The following PTPRN2 variants were observed in gnomAD, a reference collection of about 807,000 sequenced individuals.
PTPRN2 encodes the protein protein tyrosine phosphatase receptor type N2.
In PTPRN2, 74 loss-of-function variants were observed where a neutral mutation model predicts 118.8. That is an observed-to-expected ratio of 0.62 (90% CI 0.52 to 0.76). PTPRN2 has a LOEUF of 0.76. PTPRN2 is among the 30% of genes least tolerant of loss of function. PTPRN2 has a pLI of 0.00. For missense variants in PTPRN2, 1,481 were observed against 1,394.4 expected (o/e 1.06, Z -0.99); for synonymous variants, 641 against 608.0 (o/e 1.05, Z -0.80).
chr7:158,205,785 A>G (rs1265273169), intron 3 of PTPRN2, among the ~76,000 whole-genome samples: 2 of 152,194 alleles, frequency 1.3e-5, no homozygotes, highest in Non-Finnish European at 2.9e-5. Context: ...GAGAGAGAGC[A>G]CAGTGATAGT....
At position 157,598,022 on chromosome 7, in the gene PTPRN2, C is replaced by T. The variant is rs551136192; in HGVS notation, c.2419-2707G>A. On this transcript the variant is annotated intron_variant, in intron 16 of 22. Coordinates refer to ENST00000389418, the MANE Select transcript of PTPRN2 (RefSeq NM_002847.5). The surrounding 1 kb of genome is among the most constrained non-coding windows in gnomAD (Gnocchi z 5.2). ...CCTCCTTGTGGTCTCACGCAGGCTT[C>T]GAGGAAAAGTCAAGCAAATACTTAA... 6.6e-6 allele frequency among the ~76,000 whole-genome samples: 1 copy of T among 152,302 alleles called. No homozygotes were observed. Among genetic ancestry groups the T allele is most frequent in the African/African-American group, 2.4e-5 (1 of 41,580 alleles).
intron 11 of PTPRN2, among the ~76,000 whole-genome samples, chr7:157,969,026 T>A (rs1291971205): frequency 6.6e-6 from 1 of 152,220 alleles, no homozygotes; most frequent in Non-Finnish European, 1.5e-5. Context: ...CTCGTTGAAA[T>A]TTTTAATCCA....
intron 12 of PTPRN2, among the ~76,000 whole-genome samples, chr7:157,749,731 G>GTTGA: frequency 3.0e-5 from 4 of 133,138 alleles, no homozygotes; most frequent in African/African-American, 1.2e-4. Flanking sequence ...TGAGCTGCCC[G>GTTGA]GGTGATTCTG....
chr7:157,593,624 C>A (rs1421519482), intron 17 of PTPRN2, among the ~76,000 whole-genome samples: 1 of 152,208 alleles, frequency 6.6e-6, no homozygotes, highest in Non-Finnish European at 1.5e-5. Context: ...GGTGAGCGTG[C>A]ACAGCAGGGG....
intron 2 of PTPRN2, among the ~76,000 whole-genome samples, chr7:158,447,931 G>T (rs1182044388): frequency 1.3e-5 from 2 of 152,234 alleles, no homozygotes; most frequent in African/African-American, 4.8e-5. Flanking sequence ...CAGCCACACG[G>T]CACAGGGCAA....
intron 2 of PTPRN2, among the ~76,000 whole-genome samples, chr7:158,340,716 A>G (rs191134828): frequency 1.9e-3 from 98 of 50,924 alleles, no homozygotes; most frequent in East Asian, 4.8e-3. Context: ...CGTCACTCAC[A>G]CCCACACTCA....
intron 1 of PTPRN2, among the ~76,000 whole-genome samples, chr7:158,498,106 T>C (rs981968246): frequency 6.6e-6 from 1 of 152,252 alleles, no homozygotes; most frequent in Non-Finnish European, 1.5e-5. Context: ...CCTCACGTCT[T>C]TGGCTTCTGT....
intron 21 of PTPRN2, among the ~76,000 whole-genome samples, chr7:157,559,973 G>A (rs1307083534): frequency 1.3e-5 from 2 of 152,202 alleles, no homozygotes; most frequent in African/African-American, 4.8e-5. Flanking sequence ...TTGGAGGGAG[G>A]GGAGGGCCTG....
chr7:157,642,144 T>C (rs1346468418), intron 14 of PTPRN2, among the ~76,000 whole-genome samples: 1 of 152,238 alleles, frequency 6.6e-6, no homozygotes, highest in Non-Finnish European at 1.5e-5. Context: ...CAGCTTGGTG[T>C]GTGGCAATGT....
At chr7:158,522,928 A>T (rs1372100116) in intron 1 of PTPRN2, among the ~76,000 whole-genome samples, 4 of 152,210 alleles carry the variant, frequency 2.6e-5, no homozygotes, top group African/African-American at 9.6e-5. Context: ...GGCAGCAAAG[A>T]TCACCCAGAA....
intron 4 of PTPRN2, among the ~76,000 whole-genome samples, chr7:158,202,511 TG>T (rs1448696066): frequency 1.3e-5 from 2 of 152,110 alleles, no homozygotes; most frequent in African/African-American, 4.8e-5. Context: ...CCCTCCATGC[TG>T]GGTGCAGCTT....
At chr7:158,246,758 T>G (rs1796278025) in intron 3 of PTPRN2, among the ~76,000 whole-genome samples, 1 of 151,824 alleles carries the variant, frequency 6.6e-6, no homozygotes, top group Admixed American at 6.6e-5. Context: ...CGACAGTGAA[T>G]CCAGGGGTGA....
At chr7:157,789,794 GGT>G (rs201869210) in intron 12 of PTPRN2, among the ~76,000 whole-genome samples, 2 of 150,030 alleles carry the variant, frequency 1.3e-5, no homozygotes, top group African/African-American at 2.5e-5. Context: ...GTATGTGTGT[GGT>G]GTGTGTGTGA....
chr7:158,522,379 G>A (rs929006040), intron 1 of PTPRN2, among the ~76,000 whole-genome samples: 16 of 139,682 alleles, frequency 1.1e-4, no homozygotes, highest in African/African-American at 3.3e-4. Context: ...GCTCGGGAGG[G>A]AGGTCCACGT....
intron 15 of PTPRN2, among the ~76,000 whole-genome samples, chr7:157,613,810 G>T (rs981627007): frequency 6.6e-6 from 1 of 152,302 alleles, no homozygotes; most frequent in East Asian, 1.9e-4. Flanking sequence ...GGAGCGCAGG[G>T]GTCCCGAGGG....
At position 157,784,548 on chromosome 7, in the gene PTPRN2, C is replaced by T. The variant is rs60590651; in HGVS notation, c.1789-101611G>A. On this transcript the variant is annotated intron_variant, in intron 12 of 22. Transcript: ENST00000389418. The surrounding 1 kb of genome is among the most constrained non-coding windows in gnomAD (Gnocchi z 4.6). ...GCTGGAGAGAAAGCCCTATCCCGCT[C>T]GGCCTGACCCTCCTCTCCACAAAGG... Among the ~76,000 whole-genome samples, 16,686 of 152,090 alleles carry T rather than the reference C, an allele frequency of 0.11. 973 individuals carry two copies. Among genetic ancestry groups the T allele is most frequent in the Middle Eastern group, 0.14 (41 of 292 alleles).
chr7:158,130,318 AACAGACGC>A (rs986832869), intron 9 of PTPRN2, among the ~76,000 whole-genome samples: 10 of 152,274 alleles, frequency 6.6e-5, no homozygotes, highest in Middle Eastern at 3.4e-3. Flanking sequence ...GAAATACCCG[AACAGACGC>A]ACATCATACT....
intron 11 of PTPRN2, among the ~76,000 whole-genome samples, chr7:157,915,730 T>A (rs894855180): frequency 2.0e-5 from 3 of 152,138 alleles, no homozygotes; most frequent in Non-Finnish European, 2.9e-5. Flanking sequence ...AAGGCCAACA[T>A]CAGTCATCCA....
At chr7:158,198,998 A>G (rs34518740) in intron 4 of PTPRN2, among the ~76,000 whole-genome samples, 333 of 134,542 alleles carry the variant, frequency 2.5e-3, no homozygotes, top group Non-Finnish European at 3.5e-3. Context: ...GGCTTCTCAG[A>G]TCCTCCTTAG....
Sources: allele counts gnomAD v4.1 joint callset (sites outside exome capture counted in the v4.1 genomes callset), GRCh38; gene constraint gnomAD v4.1.1; non-coding constraint Gnocchi (gnomAD v3.1); transcripts MANE v1.5; gene names NCBI Gene and HGNC (gene_info 2026-07-23, HGNC 2026-07-21).